The following MAD1L1 variants were observed in gnomAD, a reference collection of about 807,000 sequenced individuals.
MAD1L1 encodes mitotic arrest deficient 1 like 1.
A neutral mutation model predicts 96.9 loss-of-function variants in MAD1L1; 95 were observed. The ratio of observed to expected loss-of-function variants is 0.98; its 90% CI spans 0.83 to 1.16. The LOEUF (loss-of-function observed/expected upper bound fraction) is 1.16, where lower values mean the gene tolerates loss of function less well. Among genes scored for constraint, MAD1L1 ranks in the 50% most tolerant of loss-of-function variants. The pLI, the probability that MAD1L1 is intolerant of heterozygous loss-of-function variation, is 0.00. For missense variants in MAD1L1, 1,007 were observed against 954.4 expected (o/e 1.06, Z -0.73); for synonymous variants, 473 against 396.6 (o/e 1.19, Z -2.29).
chr7:1,886,478 G>A (rs540194414), intron 18 of MAD1L1, among the ~76,000 whole-genome samples: 4 of 152,244 alleles, frequency 2.6e-5, no homozygotes, highest in Non-Finnish European at 5.9e-5. Context: ...CGATTCATGA[G>A]TCGACACCTC....
intron 17 of MAD1L1, among the ~76,000 whole-genome samples, chr7:1,931,312 G>T (rs1338893376): frequency 1.3e-5 from 2 of 152,258 alleles, no homozygotes; most frequent in African/African-American, 2.4e-5. Context: ...GACACTGCGG[G>T]CACACCCTTG....
chr7:1,831,517 A>G (rs1388836142), intron 18 of MAD1L1, among the ~76,000 whole-genome samples: 1 of 152,244 alleles, frequency 6.6e-6, no homozygotes, highest in African/African-American at 2.4e-5. Flanking sequence ...GAAGACTCAC[A>G]TGTCTCTCAC....
At chr7:2,099,946 G>A (rs1437631612) in intron 11 of MAD1L1, among the ~76,000 whole-genome samples, 1 of 152,246 alleles carries the variant, frequency 6.6e-6, no homozygotes, top group Non-Finnish European at 1.5e-5. Flanking sequence ...CCTAGCACAT[G>A]GATTTTCAAA....
intron 18 of MAD1L1, among the ~76,000 whole-genome samples, chr7:1,860,638 G>A (rs1784500433): frequency 2.6e-5 from 4 of 152,190 alleles, no homozygotes; most frequent in African/African-American, 9.7e-5. Flanking sequence ...GCTCCCTTGG[G>A]TGCCTAACCG....
At chr7:1,987,931 G>A (rs1338158278) in intron 14 of MAD1L1, among the ~76,000 whole-genome samples, 2 of 152,196 alleles carry the variant, frequency 1.3e-5, no homozygotes, top group African/African-American at 2.4e-5. Flanking sequence ...CTGAAGCTCC[G>A]ATCTCTGGGG....
intron 18 of MAD1L1, among the ~76,000 whole-genome samples, chr7:1,888,819 G>A (rs538427327): frequency 4.6e-5 from 7 of 152,336 alleles, no homozygotes; most frequent in Admixed American, 2.0e-4. Flanking sequence ...CTGTGCATGC[G>A]TGGGCATGTA....
chr7:1,912,794 A>G (rs1788102983), intron 17 of MAD1L1, among the ~76,000 whole-genome samples: 1 of 152,226 alleles, frequency 6.6e-6, no homozygotes, highest in Non-Finnish European at 1.5e-5. Context: ...ACGTGACCAC[A>G]GAACACGGCC....
chr7:1,988,441 C>A (rs1781260088), intron 14 of MAD1L1, among the ~76,000 whole-genome samples: 1 of 152,202 alleles, frequency 6.6e-6, no homozygotes, highest in Admixed American at 6.5e-5. Context: ...GATCAGGGCC[C>A]CACCAATGCA....
chr7:1,914,664 C>T (rs904070956), intron 17 of MAD1L1, among the ~76,000 whole-genome samples: 45 of 152,186 alleles, frequency 3.0e-4, no homozygotes, highest in African/African-American at 1.1e-3. Context: ...CCCAGGGTAG[C>T]GAACAGGGGT....
chr7:1,860,331 C>G (rs13312321), intron 18 of MAD1L1, among the ~76,000 whole-genome samples: 2 of 73,850 alleles, frequency 2.7e-5, no homozygotes, highest in Admixed American at 1.6e-4. Flanking sequence ...CGGCCTCTGT[C>G]TCCCTAGATG....
At chr7:2,222,901 A>C (rs1309544948) in intron 4 of MAD1L1, 147 bp from the exon 5 acceptor site, 1 of 630,908 alleles carries the variant, frequency 1.6e-6, no homozygotes, top group Non-Finnish European at 2.6e-6. Context: ...CAGAACCAGG[A>C]CGGGACCTGG....
At chr7:1,915,295 C>A (rs901103694) in intron 17 of MAD1L1, among the ~76,000 whole-genome samples, 13 of 152,184 alleles carry the variant, frequency 8.5e-5, no homozygotes, top group African/African-American at 2.9e-4. Flanking sequence ...CTACAGAGAA[C>A]CGCAGCCGGG....
chr7:1,965,252 G>A (rs951099557), intron 15 of MAD1L1, among the ~76,000 whole-genome samples: 2 of 152,188 alleles, frequency 1.3e-5, no homozygotes, highest in African/African-American at 2.4e-5. Flanking sequence ...CCCAACACTC[G>A]CTGCGTGTCC....
chr7:2,038,979 G>A (rs1205151921), intron 12 of MAD1L1, among the ~76,000 whole-genome samples: 2 of 152,148 alleles, frequency 1.3e-5, no homozygotes, highest in African/African-American at 4.8e-5. Flanking sequence ...TCAAGATACA[G>A]CACATTTCAT....
At chr7:2,028,007 T>G (rs1783058738) in intron 12 of MAD1L1, among the ~76,000 whole-genome samples, 1 of 152,198 alleles carries the variant, frequency 6.6e-6, no homozygotes, top group Admixed American at 6.5e-5. Context: ...AGGACCAAAG[T>G]TAATAATCAA....
At chr7:2,138,502 G>T (rs755259996) in intron 11 of MAD1L1, among the ~76,000 whole-genome samples, 4 of 152,232 alleles carry the variant, frequency 2.6e-5, no homozygotes, top group Non-Finnish European at 5.9e-5. Flanking sequence ...CAAAACGGAA[G>T]GAACCACATC....
At chr7:2,133,698 G>A (rs1259610059) in intron 11 of MAD1L1, among the ~76,000 whole-genome samples, 1 of 152,214 alleles carries the variant, frequency 6.6e-6, no homozygotes, top group Non-Finnish European at 1.5e-5. Context: ...TCAGGTATGT[G>A]ATCCACTCTG....
At chr7:2,028,298 G>A (rs564864163) in intron 12 of MAD1L1, among the ~76,000 whole-genome samples, 15 of 151,718 alleles carry the variant, frequency 9.9e-5, no homozygotes, top group African/African-American at 1.7e-4. Context: ...GGTGGTGGGC[G>A]CCTGTAGTCC....
rs1436637917 is a variant in MAD1L1 at position 2,232,714 on chromosome 7, G to C, written c.-190+158C>G. On this transcript the variant is annotated intron_variant, in intron 1 of 18. Coordinates refer to ENST00000265854, the MANE Select transcript of MAD1L1 (RefSeq NM_001013836.2). ...GCACAGAGAGGAGAGCGCGCCCATG[G>C]GAGACGGGGCGGGCGCGGGGTCCTG... Among the ~76,000 whole-genome samples, 3 of 152,162 alleles carry C rather than the reference G, an allele frequency of 2.0e-5. No homozygotes were observed. The East Asian group carries it at 5.8e-4, about 29-fold the overall frequency.
Sources: allele counts gnomAD v4.1 joint callset (sites outside exome capture counted in the v4.1 genomes callset), GRCh38; gene constraint gnomAD v4.1.1; transcripts MANE v1.5; gene names NCBI Gene and HGNC (gene_info 2026-07-23, HGNC 2026-07-21).